The following CEP128 variants were observed in gnomAD, a reference collection of about 807,000 sequenced individuals.
CEP128 encodes centrosomal protein 128.
In CEP128, 132 loss-of-function variants were observed where a neutral mutation model predicts 156.7. The ratio of observed to expected loss-of-function variants is 0.84; its 90% CI spans 0.73 to 0.97. The LOEUF (loss-of-function observed/expected upper bound fraction) is 0.97, where lower values mean the gene tolerates loss of function less well. Among genes scored for constraint, CEP128 ranks in the 50% least tolerant of loss-of-function variants. The pLI is 0.00. For missense variants in CEP128, 1,252 were observed against 1,281.9 expected, an observed-to-expected ratio of 0.98 and a Z score of 0.36; for synonymous variants, 469 against 448.9, an observed-to-expected ratio of 1.04 and a Z score of -0.57.
chr14:80,494,258 T>G (rs1000024515), downstream of CEP128, among the ~76,000 whole-genome samples: 2 of 152,172 alleles, frequency 1.3e-5, no homozygotes, highest in African/African-American at 2.4e-5. Context: ...GAAAACCAGA[T>G]GCTTTCGTGA....
At chr14:80,688,671 G>C (rs1291925515) in intron 19 of CEP128, among the ~76,000 whole-genome samples, 1 of 152,152 alleles carries the variant, frequency 6.6e-6, no homozygotes, top group Admixed American at 6.5e-5. Context: ...GATGCCAGCT[G>C]TTTCAAAACA....
At chr14:80,939,348 G>A (rs185827135) in intron 2 of CEP128, 37 bp downstream of exon 2, 2 of 150,724 alleles carry the variant, frequency 1.3e-5, no homozygotes, top group Admixed American at 1.3e-4. Flanking sequence ...TGCAAAAAAT[G>A]TGTTATCTCA....
intron 13 of CEP128, among the ~76,000 whole-genome samples, chr14:80,812,148 C>A (rs369558707): frequency 9.2e-5 from 14 of 152,164 alleles, no homozygotes; most frequent in African/African-American, 3.4e-4. Context: ...ACAGAACATG[C>A]AGTATTTGGT....
chr14:80,539,571 T>C (rs935346484), intron 21 of CEP128, among the ~76,000 whole-genome samples: 4 of 152,196 alleles, frequency 2.6e-5, no homozygotes, highest in African/African-American at 9.7e-5. Flanking sequence ...ATAATTCTGT[T>C]AACTGTACAA....
intron 2 of CEP128, among the ~76,000 whole-genome samples, chr14:80,933,088 CT>C (rs1885562568): frequency 6.6e-6 from 1 of 152,114 alleles, no homozygotes; most frequent in African/African-American, 2.4e-5. Flanking sequence ...GCCCCACCCC[CT>C]ACTCAGATTC....
At position 80,504,956 on chromosome 14, in the gene CEP128, T is replaced by A; in HGVS notation, c.3137A>T (p.Asp1046Val). The change falls in exon 24 of 25, where the codon GAT becomes GTT. Residue 1046 changes from aspartate to valine, a missense_variant. Transcript: ENST00000555265. The stretch of plus-strand genomic sequence containing the variant: ...TGGACTAGACAGGAAGCGACTGTGA[T>A]CCTGCCAAGAGGATGAGTGATCTAA... ...RGLDHSSSWQ[D>V]HSRFLSSPRF... 1 of 1,607,222 alleles carries A rather than the reference T, an allele frequency of 6.2e-7. No individual in the cohort carries two copies. Among genetic ancestry groups the A allele is most frequent in the East Asian group, 2.2e-5 (1 of 44,644 alleles).
chr14:80,732,270 C>T (rs1898308423), intron 19 of CEP128, among the ~76,000 whole-genome samples: 1 of 151,780 alleles, frequency 6.6e-6, no homozygotes, highest in South Asian at 2.1e-4. Flanking sequence ...AGTGGTAAAA[C>T]AAAAAAATTG....
At chr14:80,931,231 T>C (rs1459389135) in intron 2 of CEP128, among the ~76,000 whole-genome samples, 1 of 152,188 alleles carries the variant, frequency 6.6e-6, no homozygotes, top group African/African-American at 2.4e-5. Context: ...TCATTTTGTG[T>C]TGGTATGTGC....
At chr14:80,556,521 G>A (rs1181929930) in intron 21 of CEP128, among the ~76,000 whole-genome samples, 1 of 152,154 alleles carries the variant, frequency 6.6e-6, no homozygotes, top group Non-Finnish European at 1.5e-5. Context: ...AGAGGGAAAA[G>A]TTGAGGAAGA....
chr14:80,784,077 T>C (rs1205003841), intron 15 of CEP128, among the ~76,000 whole-genome samples: 1 of 152,172 alleles, frequency 6.6e-6, no homozygotes, highest in African/African-American at 2.4e-5. Context: ...AAAAACATTA[T>C]AATAATTAAC....
intron 19 of CEP128, among the ~76,000 whole-genome samples, chr14:80,663,634 G>A (rs1323353152): frequency 5.9e-5 from 9 of 152,192 alleles, no homozygotes; most frequent in Admixed American, 5.9e-4. Context: ...CCTCTTCTCT[G>A]TGCGAGGCAC....
At chr14:80,742,117 G>T (rs138457927) in intron 19 of CEP128, among the ~76,000 whole-genome samples, 2 of 152,148 alleles carry the variant, frequency 1.3e-5, no homozygotes, top group Admixed American at 1.3e-4. Flanking sequence ...TGTTCATTAC[G>T]TCCAAATCCA....
intron 19 of CEP128, among the ~76,000 whole-genome samples, chr14:80,706,482 A>C (rs988084494): frequency 1.3e-5 from 2 of 151,968 alleles, no homozygotes; most frequent in Admixed American, 6.6e-5. Flanking sequence ...TCACCTGTGA[A>C]GCCTAGGCCT....
chr14:80,513,042 C>T (rs865789095), intron 23 of CEP128, among the ~76,000 whole-genome samples: 4 of 152,040 alleles, frequency 2.6e-5, no homozygotes, highest in Non-Finnish European at 5.9e-5. Context: ...TCAGATTTTT[C>T]TGTGTACTTA....
At chr14:80,649,032 A>AG (rs1413968053) in intron 19 of CEP128, among the ~76,000 whole-genome samples, 6 of 152,190 alleles carry the variant, frequency 3.9e-5, no homozygotes, top group African/African-American at 1.4e-4. Flanking sequence ...GAAATTACAA[A>AG]ATACTGACCT....
At chr14:80,675,698 T>A (rs1182000579) in intron 19 of CEP128, among the ~76,000 whole-genome samples, 1 of 152,110 alleles carries the variant, frequency 6.6e-6, no homozygotes, top group Admixed American at 6.5e-5. Context: ...TGCTTTTTTG[T>A]TTTTGAAACA....
At chr14:80,770,894 T>C (rs562261527) in intron 16 of CEP128, among the ~76,000 whole-genome samples, 1 of 152,322 alleles carries the variant, frequency 6.6e-6, no homozygotes, top group African/African-American at 2.4e-5. Context: ...TCTAGAAAAA[T>C]CTGAAGTCAG....
intron 18 of CEP128, 140 bp from the exon 19 acceptor site, chr14:80,743,407 T>C (rs1898934860): frequency 1.6e-6 from 1 of 637,128 alleles, no homozygotes; most frequent in African/African-American, 1.8e-5. Flanking sequence ...AAAATATCCA[T>C]GTTTAATTTG....
chr14:80,738,160 G>A (rs10133081), intron 19 of CEP128, among the ~76,000 whole-genome samples: 9,851 of 152,164 alleles, frequency 0.065, 1,064 homozygotes, highest in African/African-American at 0.23. Context: ...ATGAGTGACT[G>A]GATGACTAGA....
Sources: allele counts gnomAD v4.1 joint callset (sites outside exome capture counted in the v4.1 genomes callset), GRCh38; gene constraint gnomAD v4.1.1; transcripts MANE v1.5; gene names NCBI Gene and HGNC (gene_info 2026-07-23, HGNC 2026-07-21).